Variants in PTPRN2 observed in about 807,000 individuals in gnomAD.
PTPRN2 encodes protein tyrosine phosphatase receptor type N2, also known as receptor-type tyrosine-protein phosphatase N2.
Under a neutral mutation model 118.8 loss-of-function variants are expected in PTPRN2, and 74 were observed. That is an observed-to-expected ratio of 0.62 (90% CI 0.52 to 0.76). PTPRN2 has a LOEUF of 0.76. PTPRN2 is among the 30% of genes least tolerant of loss of function. The probability of loss-of-function intolerance (pLI) is 0.00; values close to 1 mark genes in which losing one functional copy is unlikely to be tolerated. For synonymous variants in PTPRN2, 641 were observed against 608.0 expected (o/e 1.05, Z -0.80); for missense variants, 1,481 against 1,394.4 (o/e 1.06, Z -0.99).
chr7:158,456,406 G>A (rs1252722828), intron 2 of PTPRN2, among the ~76,000 whole-genome samples: 16 of 150,984 alleles, frequency 1.1e-4, no homozygotes, highest in Non-Finnish European at 2.2e-4. Context: ...ATAACAGCAC[G>A]GACGCCATCG....
At chr7:157,968,250 A>C (rs1802079927) in intron 11 of PTPRN2, among the ~76,000 whole-genome samples, 1 of 152,190 alleles carries the variant, frequency 6.6e-6, no homozygotes, top group Non-Finnish European at 1.5e-5. Context: ...ATACAGGACC[A>C]GGCCTTCTCT....
At chr7:158,558,837 C>T (rs1003063494) in intron 1 of PTPRN2, among the ~76,000 whole-genome samples, 1 of 151,266 alleles carries the variant, frequency 6.6e-6, no homozygotes, top group African/African-American at 2.4e-5. Flanking sequence ...GGACAGGAGG[C>T]TCTCAGACTG....
At chr7:158,463,655 C>T (rs1327758497) in intron 2 of PTPRN2, among the ~76,000 whole-genome samples, 2 of 151,880 alleles carry the variant, frequency 1.3e-5, no homozygotes, top group South Asian at 2.1e-4. Context: ...TCACCATCAT[C>T]GTCATCACCA....
Position 158,509,619 on chromosome 7 carries a change from C to T in PTPRN2, c.113-19834G>A, listed in dbSNP as rs746461220. 1.3e-5 allele frequency among the ~76,000 whole-genome samples: 2 copies of T among 152,228 alleles called. No homozygotes were observed. Among genetic ancestry groups the T allele is most frequent in the Non-Finnish European group, 2.9e-5 (2 of 68,046 alleles). ...ACCCCAAAGCCCATCTGCTTTGTTC[C>T]GGGATCCCCCAGCCTCATTTCCATC... is the stretch of plus-strand genomic sequence containing the variant. On this transcript the variant is annotated intron_variant, in intron 1 of 22. Coordinates refer to ENST00000389418, the MANE Select transcript of PTPRN2 (RefSeq NM_002847.5). The surrounding 1 kb of genome is among the most constrained non-coding windows in gnomAD (Gnocchi z 4.4).
intron 10 of PTPRN2, among the ~76,000 whole-genome samples, chr7:158,089,673 A>T (rs1337024308): frequency 1.4e-4 from 20 of 140,240 alleles, no homozygotes; most frequent in African/African-American, 5.3e-4. Context: ...CTTCACACAA[A>T]CCTTCTTCCC....
At chr7:157,904,811 C>T (rs1455938270) in intron 11 of PTPRN2, among the ~76,000 whole-genome samples, 3 of 152,230 alleles carry the variant, frequency 2.0e-5, no homozygotes, top group South Asian at 2.1e-4. Flanking sequence ...GCATCGCGAA[C>T]GCTGCACAAG....
chr7:158,367,237 G>A (rs1219126071), intron 2 of PTPRN2, among the ~76,000 whole-genome samples: 3 of 152,190 alleles, frequency 2.0e-5, no homozygotes, highest in Non-Finnish European at 4.4e-5. Context: ...GAAGTATGGC[G>A]GGGGCACAGA....
chr7:158,294,565 C>G (rs917399396), intron 3 of PTPRN2, among the ~76,000 whole-genome samples: 2 of 152,196 alleles, frequency 1.3e-5, no homozygotes, highest in African/African-American at 4.8e-5. Context: ...ACTGATATCC[C>G]TGAGCAACAG....
intron 2 of PTPRN2, among the ~76,000 whole-genome samples, chr7:158,407,831 G>A (rs1251307708): frequency 2.6e-5 from 4 of 152,218 alleles, no homozygotes; most frequent in Non-Finnish European, 5.9e-5. Flanking sequence ...CGTGCTCAGT[G>A]GAGGGACCAT....
Position 157,901,717 on chromosome 7 carries a change from G to A in PTPRN2, c.1724-2980C>T, listed in dbSNP as rs571942948. On this transcript the variant is annotated intron_variant, in intron 11 of 22. Coordinates refer to ENST00000389418, the MANE Select transcript of PTPRN2 (RefSeq NM_002847.5). ...CACCCGAAGTGGGGCCTTCCCGTCC[G>A]TGTTTCCTGGGTCCTGAGGTGGGGC... is the stretch of plus-strand genomic sequence containing the variant. Among the ~76,000 whole-genome samples the A allele has an allele frequency of 4.4e-4, 24 of 54,960 alleles. 1 individual carries two copies. In the South Asian group the frequency reaches 8.0e-3, roughly 18 times the overall value. The allele number at this position is 54,960 out of a possible 152,430, so 36.1% of individuals were successfully genotyped here.
chr7:158,253,872 T>C (rs1295120873), intron 3 of PTPRN2, among the ~76,000 whole-genome samples: 1 of 150,374 alleles, frequency 6.7e-6, no homozygotes, highest in Non-Finnish European at 1.5e-5. Flanking sequence ...TCCCTGTAAC[T>C]GCACGGCGGC....
At chr7:158,463,354 T>C (rs1301499079) in intron 2 of PTPRN2, among the ~76,000 whole-genome samples, 3 of 152,014 alleles carry the variant, frequency 2.0e-5, no homozygotes, top group African/African-American at 7.3e-5. Flanking sequence ...ATTACTATCA[T>C]CACCATCACC....
rs1431160147 is a variant in PTPRN2 at position 157,987,745 on chromosome 7, G to C, written c.1724-89008C>G. Among the ~76,000 whole-genome samples the C allele has an allele frequency of 3.3e-5, 5 of 152,156 alleles. No individual in the cohort carries two copies. The highest frequency in any genetic ancestry group is 1.5e-5 in the Non-Finnish European group (1 of 68,030). ...AGTGTGGGATCCACAGTTACAGAGC[G>C]GATGGGGGACTAAGAACATCCATTC... is the stretch of plus-strand genomic sequence containing the variant. On this transcript the variant is annotated intron_variant, in intron 11 of 22. Coordinates refer to ENST00000389418, the MANE Select transcript of PTPRN2 (RefSeq NM_002847.5). The surrounding 1 kb of genome is among the most constrained non-coding windows in gnomAD (Gnocchi z 4.3).
At chr7:157,917,304 C>T (rs1798460140) in intron 11 of PTPRN2, among the ~76,000 whole-genome samples, 1 of 152,248 alleles carries the variant, frequency 6.6e-6, no homozygotes, top group Non-Finnish European at 1.5e-5. Context: ...CGCAGAAGTG[C>T]ACATTGGCGT....
chr7:157,931,900 T>C lies in PTPRN2; in HGVS notation c.1724-33163A>G, dbSNP rs191624095. On this transcript the variant is annotated intron_variant, in intron 11 of 22. Transcript: ENST00000389418. ...GAAATTATTTTAGGTTGGTCATGGCTTTCTATTGTTACTCTAAGTTGCTTC... is the reference window on the plus strand; with the variant it reads ...GAAATTATTTTAGGTTGGTCATGGCCTTCTATTGTTACTCTAAGTTGCTTC... 1.2e-3 allele frequency among the ~76,000 whole-genome samples: 189 copies of C among 152,342 alleles called. 1 individual carries two copies. The highest frequency in any genetic ancestry group is 4.0e-3 in the African/African-American group (168 of 41,584).
chr7:157,873,379 G>A (rs1563194806), intron 12 of PTPRN2, among the ~76,000 whole-genome samples: 2 of 152,252 alleles, frequency 1.3e-5, no homozygotes, highest in African/African-American at 2.4e-5. Context: ...AGAAACCCCC[G>A]GAGGGCCGCG....
rs556879284 is a variant in PTPRN2 at position 157,844,541 on chromosome 7, C to T, written c.1788+54132G>A. Among the ~76,000 whole-genome samples the T allele has an allele frequency of 2.0e-3, 305 of 152,282 alleles. 2 individuals carry two copies. Among genetic ancestry groups the T allele is most frequent in the Middle Eastern group, 3.4e-3 (1 of 294 alleles). On this transcript the variant is annotated intron_variant, in intron 12 of 22. Coordinates refer to ENST00000389418, the MANE Select transcript of PTPRN2 (RefSeq NM_002847.5). The stretch of plus-strand genomic sequence containing the variant: ...CCAGGAGGAGAGGGTGAGGCTGACA[C>T]GGGGACAGGAGCCCAGCGTGACCAG...
At chr7:157,954,697 C>T (rs1213417318) in intron 11 of PTPRN2, among the ~76,000 whole-genome samples, 2 of 152,120 alleles carry the variant, frequency 1.3e-5, no homozygotes, top group African/African-American at 4.8e-5. Context: ...GAGCGAGGCC[C>T]CGCCTCCCTG....
intron 11 of PTPRN2, among the ~76,000 whole-genome samples, chr7:157,908,875 A>G (rs1797922583): frequency 6.6e-6 from 1 of 152,194 alleles, no homozygotes; most frequent in South Asian, 2.1e-4. Flanking sequence ...GCATAGTTTT[A>G]GTTTACAATT....
Sources: allele counts gnomAD v4.1 joint callset (sites outside exome capture counted in the v4.1 genomes callset), GRCh38; gene constraint gnomAD v4.1.1; non-coding constraint Gnocchi (gnomAD v3.1); transcripts MANE v1.5; gene names NCBI Gene and HGNC (gene_info 2026-07-23, HGNC 2026-07-21).